EDA: variants seen among roughly 807,000 people sequenced by gnomAD.
EDA encodes the protein ectodysplasin-A.
Under a neutral mutation model 23.6 loss-of-function variants are expected in EDA, and 2 were observed. That is an observed-to-expected ratio of 0.08 (90% CI 0.03 to 0.27). EDA has a LOEUF of 0.27. Among genes scored for constraint, EDA ranks in the 10% least tolerant of loss-of-function variants. EDA has a pLI of 1.00. For missense variants in EDA, 229 were observed against 324.2 expected (o/e 0.71, Z 2.26); for synonymous variants, 131 against 132.0 (o/e 0.99, Z 0.05).
intron 1 of EDA, among the ~76,000 whole-genome samples, chrX:69,785,997 C>T (rs1490554157): frequency 1.8e-5 from 2 of 110,504 alleles, no homozygotes; most frequent in Non-Finnish European, 3.8e-5. Flanking sequence ...TTCAGAGATT[C>T]AACCTCTTCC....
chrX:69,665,816 C>A (rs748761676), intron 1 of EDA, among the ~76,000 whole-genome samples: 31 of 111,502 alleles, frequency 2.8e-4, no homozygotes, highest in African/African-American at 9.4e-4. Context: ...TGTTTCCATA[C>A]AAATTTTAGG....
At chrX:69,872,801 G>A (rs1164185677) in intron 1 of EDA, among the ~76,000 whole-genome samples, 5 of 111,085 alleles carry the variant, frequency 4.5e-5, no homozygotes, top group East Asian at 2.8e-4. Flanking sequence ...TAATAATAGC[G>A]AGGGACTTTA....
chrX:69,927,477 C>T (rs973574308), intron 1 of EDA, among the ~76,000 whole-genome samples: 2 of 111,419 alleles, frequency 1.8e-5, no homozygotes, highest in African/African-American at 6.5e-5. Flanking sequence ...GAATATTGGC[C>T]CCCAATCTCT....
intron 1 of EDA, among the ~76,000 whole-genome samples, chrX:69,638,907 T>C (rs1174865764): frequency 3.6e-5 from 4 of 111,116 alleles, no homozygotes; most frequent in African/African-American, 1.3e-4. Context: ...ATGGAAACTC[T>C]TTCTACCCAT....
intron 1 of EDA, among the ~76,000 whole-genome samples, chrX:69,781,770 T>G (rs1432627836): frequency 1.8e-5 from 2 of 111,138 alleles, no homozygotes; most frequent in Non-Finnish European, 3.8e-5. Flanking sequence ...TTATATCTGT[T>G]AGACAGAAAT....
At chrX:69,760,602 G>T (rs1483831342) in intron 1 of EDA, among the ~76,000 whole-genome samples, 1 of 111,954 alleles carries the variant, frequency 8.9e-6, no homozygotes, top group Non-Finnish European at 1.9e-5. Context: ...TTCCAGCAAG[G>T]ATATCAGTTG....
chrX:69,789,235 G>A (rs1244877336), intron 1 of EDA, among the ~76,000 whole-genome samples: 1 of 112,050 alleles, frequency 8.9e-6, no homozygotes, highest in Non-Finnish European at 1.9e-5. Context: ...AGATGGAAAT[G>A]CAGAAATCAC....
intron 1 of EDA, among the ~76,000 whole-genome samples, chrX:69,712,240 A>G (rs2012086227): frequency 9.0e-6 from 1 of 111,098 alleles, no homozygotes; most frequent in Admixed American, 9.6e-5. Context: ...TTTTGCCTTC[A>G]TTTCATTATG....
chrX:69,968,196 C>G (rs757954170), intron 2 of EDA, among the ~76,000 whole-genome samples: 82 of 111,798 alleles, frequency 7.3e-4, no homozygotes, highest in African/African-American at 2.7e-3. Flanking sequence ...TATGATAAGA[C>G]TGTCATGGGA....
chrX:69,747,742 G>C (rs1248711851), intron 1 of EDA, among the ~76,000 whole-genome samples: 1 of 111,861 alleles, frequency 8.9e-6, no homozygotes, highest in African/African-American at 3.2e-5. Flanking sequence ...GGGTTAGATG[G>C]GGGGATAGAG....
intron 1 of EDA, among the ~76,000 whole-genome samples, chrX:69,779,244 T>C (rs2014871990): frequency 1.8e-5 from 2 of 111,832 alleles, no homozygotes; most frequent in South Asian, 7.4e-4. Context: ...ATAGCAGTAT[T>C]ATTCTCAATA....
At chrX:69,838,399 G>A (rs1239466375) in intron 1 of EDA, among the ~76,000 whole-genome samples, 3 of 112,214 alleles carry the variant, frequency 2.7e-5, no homozygotes, top group Non-Finnish European at 3.8e-5. Flanking sequence ...AGGCTGAGGC[G>A]GGTGGATCAC....
At chrX:69,786,540 C>T (rs1462240921) in intron 1 of EDA, among the ~76,000 whole-genome samples, 2 of 109,557 alleles carry the variant, frequency 1.8e-5, no homozygotes, top group African/African-American at 3.3e-5. Flanking sequence ...GCCTTCATTT[C>T]GTTATGTACC....
At chrX:69,679,447 G>T (rs1240257661) in intron 1 of EDA, among the ~76,000 whole-genome samples, 9 of 111,357 alleles carry the variant, frequency 8.1e-5, no homozygotes, top group African/African-American at 1.3e-4. Flanking sequence ...GAATCCATCT[G>T]GTCCTGGACT....
intron 1 of EDA, among the ~76,000 whole-genome samples, chrX:69,851,971 G>T (rs113082955): frequency 0.018 from 1,983 of 112,085 alleles, 48 homozygotes; most frequent in African/African-American, 0.061. Context: ...GTATGCTATT[G>T]ATTGCCCTGT....
At chrX:69,697,300 C>T (rs959594598) in intron 1 of EDA, among the ~76,000 whole-genome samples, 34 of 111,551 alleles carry the variant, frequency 3.0e-4, no homozygotes, top group African/African-American at 1.1e-3. Flanking sequence ...ATCTCTCTTC[C>T]TGCTTCTGCT....
chrX:69,787,949 C>G (rs1332613903), intron 1 of EDA, among the ~76,000 whole-genome samples: 6 of 111,901 alleles, frequency 5.4e-5, no homozygotes, highest in African/African-American at 9.7e-5. Flanking sequence ...TAGATTTGGT[C>G]TTTTCACATA....
At chrX:69,945,392 T>C (rs770443010) in intron 1 of EDA, among the ~76,000 whole-genome samples, 135 of 111,736 alleles carry the variant, frequency 1.2e-3, no homozygotes, top group African/African-American at 4.3e-3. Context: ...GTTTATGGAG[T>C]TTCTGTGGAT....
At chrX:69,660,546 GTGTTCTCAT>G (rs1425067666) in intron 1 of EDA, among the ~76,000 whole-genome samples, 1 of 106,606 alleles carries the variant, frequency 9.4e-6, no homozygotes, top group Admixed American at 1.0e-4. Flanking sequence ...CTGTGTCCAA[GTGTTCTCAT>G]TGTTCAATTC....
Sources: allele counts gnomAD v4.1 joint callset (sites outside exome capture counted in the v4.1 genomes callset), GRCh38; gene constraint gnomAD v4.1.1; transcripts MANE v1.5; gene names NCBI Gene and HGNC (gene_info 2026-07-23, HGNC 2026-07-21).